Variants in ZNF264 observed in about 807,000 individuals in gnomAD.
ZNF264 encodes zinc finger protein 264.
In ZNF264, 11 loss-of-function variants were observed where a neutral mutation model predicts 11.2. The ratio of observed to expected loss-of-function variants is 0.98; its 90% confidence interval spans 0.62 to 1.63. ZNF264 has a LOEUF of 1.63. Ranked by LOEUF, ZNF264 falls within the 40% of genes most tolerant of loss-of-function variation. The probability of loss-of-function intolerance (pLI) is 0.00; values close to 1 mark genes in which losing one functional copy is unlikely to be tolerated. For synonymous variants in ZNF264, 309 were observed against 279.8 expected (o/e 1.10, Z -1.04); for missense variants, 752 against 768.1 (o/e 0.98, Z 0.25).
chr19:57,191,611 C>T lies in ZNF264; in HGVS notation c.-303C>T, dbSNP rs2087173070. The stretch of plus-strand genomic sequence containing the variant: ...AGCAGGGGAGTAGGATAGGAATCCC[C>T]GCCGCACCTTTGTACGAGCCTGACC... On this transcript the variant is annotated 5_prime_UTR_variant, in exon 1 of 4. Transcript: ENST00000263095. 1 of 355,068 alleles carries T rather than the reference C, an allele frequency of 2.8e-6. No homozygotes were observed. The highest frequency in any genetic ancestry group is 4.1e-5 in the East Asian group (1 of 24,254). The allele number at this position is 355,068 out of a possible 1,614,324, so 22.0% of individuals were successfully genotyped here. A position where few individuals can be genotyped will look rare whatever the true frequency, so the allele number is the denominator to read the frequency against.
chr19:57,196,634 T>C (rs1234748463), intron 2 of ZNF264, among the ~76,000 whole-genome samples: 1 of 151,894 alleles, frequency 6.6e-6, no homozygotes, highest in East Asian at 1.9e-4. Context: ...CAGGGGTGGC[T>C]GGGGAAAGAG....
chr19:57,197,373 G>A (rs1042639521), intron 2 of ZNF264, among the ~76,000 whole-genome samples: 1 of 151,870 alleles, frequency 6.6e-6, no homozygotes, highest in African/African-American at 2.4e-5. Flanking sequence ...AGTGTAACAG[G>A]CCAAGAGCTG....
rs748291596 is a variant in ZNF264, at chr19:57,211,819, T to A, written c.722T>A (p.Ile241Asn). The A allele has an allele frequency of 6.2e-7, 1 of 1,614,136 alleles. No homozygotes were observed. Among genetic ancestry groups the A allele is most frequent in the Admixed American group, 1.7e-5 (1 of 60,026 alleles). ...TGCACAGAATGTGGGAAAACCTTTA[T>A]TAAGAGCACACATCTCCTGCAACAT... ...YECTECGKTF[I>N]KSTHLLQHHM... Residue 241 changes from isoleucine (I) to asparagine (N), a missense_variant, in exon 4 of 4, where the codon ATT becomes AAT. Transcript: ENST00000263095.
chr19:57,205,577 C>T, intron 3 of ZNF264, 85 bp downstream of exon 3: 2 of 1,241,276 alleles, frequency 1.6e-6, no homozygotes, highest in South Asian at 2.6e-5. Flanking sequence ...TCTTGGGAAG[C>T]TTCTCATTGT....
intron 1 of ZNF264, 37 bp downstream of exon 1, chr19:57,191,983 G>A: frequency 6.6e-7 from 1 of 1,511,478 alleles, no homozygotes; most frequent in South Asian, 1.3e-5. Flanking sequence ...CCGCTTCCTT[G>A]CCAGCGCTGA....
chr19:57,218,291 T>A lies in ZNF264; in HGVS notation c.*5310T>A, dbSNP rs1032619038. The A allele has an allele frequency of 3.3e-5, 5 of 152,248 alleles. No individual in the cohort carries two copies. The allele number at this position is 152,248 out of a possible 1,614,324, so 9.4% of individuals were successfully genotyped here. On this transcript the variant is annotated 3_prime_UTR_variant, in exon 4 of 4. Transcript: ENST00000263095. ...TTTAGACTTCAGAGATGTATCTCTCTGTTCTGTACATTATTGTTTAATATA... is the reference window on the plus strand; with the variant it reads ...TTTAGACTTCAGAGATGTATCTCTCAGTTCTGTACATTATTGTTTAATATA...
intron 2 of ZNF264, among the ~76,000 whole-genome samples, chr19:57,204,487 C>T (rs935095603): frequency 6.6e-6 from 1 of 152,092 alleles, no homozygotes; most frequent in Admixed American, 6.5e-5. Flanking sequence ...CTCATGAGAT[C>T]CGATGGTTTT....
At chr19:57,194,495 G>A (rs2087197959) in intron 2 of ZNF264, among the ~76,000 whole-genome samples, 1 of 152,162 alleles carries the variant, frequency 6.6e-6, no homozygotes, top group African/African-American at 2.4e-5. Context: ...ATGATTACAA[G>A]GTCCCACAGT....
chr19:57,206,528 G>A (rs1037731552), intron 3 of ZNF264, among the ~76,000 whole-genome samples: 148 of 152,120 alleles, frequency 9.7e-4, no homozygotes, highest in African/African-American at 3.4e-3. Context: ...GTGAGTCACC[G>A]CGCCTGGCCT....
chr19:57,201,378 C>T (rs1241098063), intron 2 of ZNF264, among the ~76,000 whole-genome samples: 1 of 151,908 alleles, frequency 6.6e-6, no homozygotes, highest in Admixed American at 6.5e-5. Flanking sequence ...CAGCCTCTGT[C>T]CCAAGTGTAA....
chr19:57,208,231 C>T (rs1034670630), intron 3 of ZNF264, among the ~76,000 whole-genome samples: 1 of 152,168 alleles, frequency 6.6e-6, no homozygotes, highest in Non-Finnish European at 1.5e-5. Context: ...TTGATACATT[C>T]ATTTACTATG....
Position 57,211,590 on chromosome 19 carries a change from G to A in ZNF264, c.493G>A (p.Asp165Asn). Reference sequence around the variant, plus strand: ...TGAATGTGATGGTTTAGGGACAGCTGATGGTGTGTGTTCAAGGATTGGACA... The same window carrying A: ...TGAATGTGATGGTTTAGGGACAGCTAATGGTGTGTGTTCAAGGATTGGACA... Reference protein sequence around the residue: ...SPECDGLGTADGVCSRIGQEQ... With the variant: ...SPECDGLGTANGVCSRIGQEQ... The change falls in exon 4 of 4, where the codon GAT (aspartate) becomes AAT (asparagine). Residue 165 changes from aspartate (D) to asparagine (N), a missense_variant. Transcript: ENST00000263095. 2 of 1,614,120 alleles carry A rather than the reference G, an allele frequency of 1.2e-6. No individual in the cohort carries two copies. Among genetic ancestry groups the A allele is most frequent in the Non-Finnish European group, 1.7e-6 (2 of 1,179,996 alleles).
rs928981297 is a variant in ZNF264, at chr19:57,215,271, G to A, written c.*2290G>A. On this transcript the variant is annotated 3_prime_UTR_variant, in exon 4 of 4. Coordinates refer to ENST00000263095, the MANE Select transcript of ZNF264 (RefSeq NM_003417.5). ...GAACTATTCGAAGTATCTATTTCTT[G>A]TGTAATAAATTTTGATAGTCTGTCC... 6.6e-6 allele frequency: 1 copy of A among 152,100 alleles called. No individual in the cohort carries two copies. The highest frequency in any genetic ancestry group is 1.5e-5 in the Non-Finnish European group (1 of 68,002). The allele number at this position is 152,100 out of a possible 1,614,324, so 9.4% of individuals were successfully genotyped here. A position where few individuals can be genotyped will look rare whatever the true frequency, so the allele number is the denominator to read the frequency against.
intron 2 of ZNF264, among the ~76,000 whole-genome samples, chr19:57,202,581 G>T (rs1384429591): frequency 6.6e-6 from 1 of 151,692 alleles, no homozygotes; most frequent in East Asian, 1.9e-4. Flanking sequence ...CCTATACCCT[G>T]GGAAAGGAAT....
At chr19:57,210,838 C>G (rs1040148808) in intron 3 of ZNF264, among the ~76,000 whole-genome samples, 2 of 152,182 alleles carry the variant, frequency 1.3e-5, no homozygotes, top group African/African-American at 4.8e-5. Flanking sequence ...CATAAACTGT[C>G]AGATAGGGCC....
At chr19:57,198,598 C>T (rs1296301702) in intron 2 of ZNF264, among the ~76,000 whole-genome samples, 1 of 151,732 alleles carries the variant, frequency 6.6e-6, no homozygotes, top group Non-Finnish European at 1.5e-5. Flanking sequence ...TCTGGGGACC[C>T]ACTGGACCCA....
Position 57,212,267 on chromosome 19 carries a change from T to C in ZNF264, c.1170T>C (p.Tyr390=), listed in dbSNP as rs756797369. The C allele has an allele frequency of 6.2e-7, 1 of 1,613,558 alleles. No individual in the cohort carries two copies. Among genetic ancestry groups the C allele is most frequent in the Non-Finnish European group, 8.5e-7 (1 of 1,179,888 alleles). ...AGAGTGCAGCCCTGATTCACCACTA[T>C]GTCATCCACACTGGAGAGAAGCCCT... ...FLESAALIHH[Y]VIHTGEKPFE... Residue 390 remains tyrosine (Y), a synonymous_variant, in exon 4 of 4, where the codon TAT becomes TAC. Coordinates refer to ENST00000263095, the MANE Select transcript of ZNF264 (RefSeq NM_003417.5).
rs997696743 is a variant in ZNF264 at position 57,213,974 on chromosome 19, G to A, written c.*993G>A. ...CTAGGGTGCTTTTTTGTTTGTGTGT[G>A]TGTGTAATTTGAGTGATTGTAAATG... is the stretch of plus-strand genomic sequence containing the variant. On this transcript the variant is annotated 3_prime_UTR_variant, in exon 4 of 4. Coordinates refer to ENST00000263095, the MANE Select transcript of ZNF264 (RefSeq NM_003417.5). 1.1e-4 allele frequency: 16 copies of A among 152,140 alleles called. No homozygotes were observed. Among genetic ancestry groups the A allele is most frequent in the African/African-American group, 3.6e-4 (15 of 41,432 alleles). The allele number at this position is 152,140 out of a possible 1,614,324, so 9.4% of individuals were successfully genotyped here. A position where few individuals can be genotyped will look rare whatever the true frequency, so the allele number is the denominator to read the frequency against.
chr19:57,200,883 A>T (rs2087248159), intron 2 of ZNF264, among the ~76,000 whole-genome samples: 1 of 151,924 alleles, frequency 6.6e-6, no homozygotes, highest in South Asian at 2.1e-4. Context: ...AAGTGCTGGG[A>T]TTACAGGCGT....
Sources: allele counts gnomAD v4.1 joint callset (sites outside exome capture counted in the v4.1 genomes callset), GRCh38; gene constraint gnomAD v4.1.1; transcripts MANE v1.5; gene names NCBI Gene and HGNC (gene_info 2026-07-23, HGNC 2026-07-21).